Variants in TRPM1 observed in about 807,000 individuals in gnomAD.
TRPM1 encodes transient receptor potential cation channel subfamily M member 1.
Under a neutral mutation model 149.4 loss-of-function variants are expected in TRPM1, and 113 were observed. The observed-to-expected ratio is 0.76, with a 90% CI of 0.65 to 0.88. The LOEUF (loss-of-function observed/expected upper bound fraction) is 0.88, where lower values mean the gene tolerates loss of function less well. Ranked by LOEUF, TRPM1 falls within the 40% of genes least tolerant of loss-of-function variation. TRPM1 has a pLI of 0.00. For synonymous variants in TRPM1, 741 were observed against 759.5 expected (o/e 0.98, Z 0.40); for missense variants, 1,976 against 2,038.7 (o/e 0.97, Z 0.59).
Position 31,076,950 on chromosome 15 carries a change from T to C in TRPM1, c.38A>G (p.Lys13Arg), listed in dbSNP as rs1392504520. Residue 13 changes from lysine (K) to arginine (R), a missense_variant, in exon 3 of 28, where the codon AAA (lysine) becomes AGA (arginine). Transcript: ENST00000256552. ...AGGAATTACAAAGATACATTCCCGT[T>C]TGCAAAAGGTTTTCTCTATCCAAGA... is the stretch of plus-strand genomic sequence containing the variant. ...QKSWIEKTFC[K>R]RECIFVIPSM... 1 of 1,612,798 alleles carries C rather than the reference T, an allele frequency of 6.2e-7. No individual in the cohort carries two copies. The highest frequency in any genetic ancestry group is 1.3e-5 in the African/African-American group (1 of 75,018).
chr15:31,118,873 G>A (rs2035837957), intron 1 of TRPM1, among the ~76,000 whole-genome samples: 1 of 147,946 alleles, frequency 6.8e-6, no homozygotes, highest in African/African-American at 2.6e-5. Flanking sequence ...CATCACATTG[G>A]GATTAGGGTT....
In TRPM1 at chr15:31,042,071, C is replaced by A. The variant is rs760068967; in HGVS notation, c.1967G>T (p.Arg656Leu). ...GGCCTTGGCCATGCTCTCTTCCCCTCGCTGCCAGAGGAACACTGCCATTTT... is the reference window on the plus strand; with the variant it reads ...GGCCTTGGCCATGCTCTCTTCCCCTAGCTGCCAGAGGAACACTGCCATTTT... ...RQKMAVFLWQ[R>L]GEESMAKALV... The change falls in exon 17 of 28, where the codon CGA becomes CTA. Residue 656 changes from arginine (R) to leucine (L), a missense_variant. Arg to Leu is a moderately radical substitution (Grantham distance 102, BLOSUM62 -2). Transcript: ENST00000256552. 6.2e-7 allele frequency: 1 copy of A among 1,614,196 alleles called. No individual in the cohort carries two copies. Among genetic ancestry groups the A allele is most frequent in the Admixed American group, 1.7e-5 (1 of 60,028 alleles).
chr15:31,018,395 C>T (rs1772076887), intron 27 of TRPM1, among the ~76,000 whole-genome samples: 2 of 150,006 alleles, frequency 1.3e-5, no homozygotes, highest in African/African-American at 4.9e-5. Context: ...ATTTTTGAGA[C>T]AGACTTTCAC....
chr15:31,004,793 T>A (rs2031924807), intron 27 of TRPM1, among the ~76,000 whole-genome samples: 1 of 152,084 alleles, frequency 6.6e-6, no homozygotes, highest in Non-Finnish European at 1.5e-5. Context: ...TAAGACTTGG[T>A]GTTCTTCATT....
intron 1 of TRPM1, among the ~76,000 whole-genome samples, chr15:31,153,771 G>T (rs1040978693): frequency 6.6e-6 from 1 of 152,182 alleles, no homozygotes; most frequent in Non-Finnish European, 1.5e-5. Flanking sequence ...GCCACATGTT[G>T]TCAGGAGCTC....
intron 1 of TRPM1, among the ~76,000 whole-genome samples, chr15:31,085,206 G>A (rs2034967988): frequency 6.6e-6 from 1 of 152,122 alleles, no homozygotes; most frequent in Admixed American, 6.5e-5. Context: ...CCAATACCAG[G>A]GTGCCTCAGT....
intron 12 of TRPM1, 100 bp downstream of exon 12, chr15:31,050,309 G>T: frequency 1.9e-6 from 3 of 1,570,686 alleles, no homozygotes; most frequent in Non-Finnish European, 1.7e-6. Context: ...GTCCCTCCTG[G>T]GATCAGGGCC....
chr15:31,074,262 G>T (rs1283504751), intron 3 of TRPM1, among the ~76,000 whole-genome samples: 4 of 152,118 alleles, frequency 2.6e-5, no homozygotes, highest in African/African-American at 9.7e-5. Context: ...AAGAGTTTGT[G>T]AAGAATTGGT....
intron 1 of TRPM1, among the ~76,000 whole-genome samples, chr15:31,159,582 G>GT (rs1402156255): frequency 1.3e-5 from 2 of 152,174 alleles, no homozygotes; most frequent in Non-Finnish European, 2.9e-5. Context: ...ATATGCGCCT[G>GT]TCCCCCACTG....
chr15:31,071,315 C>T (rs913239064), intron 3 of TRPM1, among the ~76,000 whole-genome samples: 18 of 152,128 alleles, frequency 1.2e-4, no homozygotes, highest in African/African-American at 3.4e-4. Flanking sequence ...TGTGGGCAGC[C>T]GTGCACCCTA....
chr15:31,004,138 CT>C (rs1243382172), intron 27 of TRPM1, among the ~76,000 whole-genome samples: 1 of 152,102 alleles, frequency 6.6e-6, no homozygotes. Flanking sequence ...TTCCATTATT[CT>C]TTTATTTTCT....
At position 31,030,115 on chromosome 15, in the gene TRPM1, G is replaced by T. The variant is rs541015354; in HGVS notation, c.3128-724C>A. Among the ~76,000 whole-genome samples, 61 of 152,336 alleles carry T rather than the reference G, an allele frequency of 4.0e-4. 2 individuals are homozygous for T. The South Asian group carries it at 0.012, about 29-fold the overall frequency. On this transcript the variant is annotated intron_variant, in intron 23 of 27. Transcript: ENST00000256552. ...TTATAAAAGTTAGAAAGAAGCTACT[G>T]CATGAGCTGGTTATTGTCTAACCTA... is the stretch of plus-strand genomic sequence containing the variant.
intron 9 of TRPM1, among the ~76,000 whole-genome samples, chr15:31,061,984 G>A (rs751096641): frequency 5.9e-5 from 9 of 152,098 alleles, no homozygotes; most frequent in Admixed American, 5.9e-4. Flanking sequence ...CACTGTGCCC[G>A]GCTGATTTCC....
At chr15:31,137,488 G>A (rs2036104197) in intron 1 of TRPM1, among the ~76,000 whole-genome samples, 1 of 152,194 alleles carries the variant, frequency 6.6e-6, no homozygotes, top group African/African-American at 2.4e-5. Flanking sequence ...CACAAAACTG[G>A]TTATCTAAGA....
At chr15:31,138,085 A>C (rs538172902) in intron 1 of TRPM1, among the ~76,000 whole-genome samples, 1 of 152,338 alleles carries the variant, frequency 6.6e-6, no homozygotes, top group East Asian at 1.9e-4. Context: ...AGCCTGAAAA[A>C]TGACCATTGA....
intron 7 of TRPM1, among the ~76,000 whole-genome samples, chr15:31,065,425 A>G (rs1362982637): frequency 1.3e-5 from 2 of 152,220 alleles, no homozygotes; most frequent in African/African-American, 4.8e-5. Context: ...TGACGTTAAG[A>G]ATTACTGGAG....
chr15:31,081,133 T>G (rs2034846944), intron 2 of TRPM1, among the ~76,000 whole-genome samples: 1 of 152,166 alleles, frequency 6.6e-6, no homozygotes, highest in African/African-American at 2.4e-5. Context: ...TCCCCCAGAT[T>G]CCGAAAAGGA....
intron 1 of TRPM1, among the ~76,000 whole-genome samples, chr15:31,099,788 T>A (rs906885444): frequency 1.3e-5 from 2 of 152,190 alleles, no homozygotes; most frequent in African/African-American, 2.4e-5. Flanking sequence ...GAATAGACAA[T>A]TTATGCTATA....
At chr15:31,012,764 T>G (rs939145580) in intron 27 of TRPM1, among the ~76,000 whole-genome samples, 1 of 152,168 alleles carries the variant, frequency 6.6e-6, no homozygotes, top group Non-Finnish European at 1.5e-5. Context: ...TGCTGGATGG[T>G]GTTCTACAGG....
Sources: gnomAD v4.1 joint callset for allele counts (sites outside exome capture counted in the v4.1 genomes callset) on GRCh38, gnomAD v4.1.1 for gene constraint, MANE v1.5 for transcripts, NCBI Gene and HGNC (gene_info 2026-07-23, HGNC 2026-07-21) for gene names.